Variants in TEX11 observed in about 807,000 individuals in gnomAD.
TEX11 encodes testis-expressed protein 11.
A neutral mutation model predicts 84.4 loss-of-function variants in TEX11; 7 were observed. The observed-to-expected ratio is 0.08, with a 90% CI of 0.05 to 0.16. The LOEUF (loss-of-function observed/expected upper bound fraction) is 0.16. Among genes scored for constraint, TEX11 ranks in the 10% least tolerant of loss-of-function variants. TEX11 has a pLI of 1.00. For missense variants in TEX11, 551 were observed against 660.5 expected (o/e 0.83, Z 1.82); for synonymous variants, 264 against 222.8 (o/e 1.18, Z -1.64).
intron 13 of TEX11, among the ~76,000 whole-genome samples, chrX:70,701,654 C>T (rs902540600): frequency 2.7e-5 from 3 of 112,263 alleles, no homozygotes; most frequent in Admixed American, 1.9e-4. Context: ...GCTATAGCTG[C>T]ATAGATAGTT....
chrX:70,843,149 CAA>C (rs774628213), intron 7 of TEX11, among the ~76,000 whole-genome samples: 1 of 111,486 alleles, frequency 9.0e-6, no homozygotes, highest in South Asian at 3.8e-4. Flanking sequence ...CATACGGAAC[CAA>C]AAAGAGCCCA....
chrX:70,759,378 T>G (rs936100119), intron 9 of TEX11, among the ~76,000 whole-genome samples: 1 of 111,855 alleles, frequency 8.9e-6, no homozygotes, highest in Admixed American at 9.5e-5. Context: ...AATAAAATAC[T>G]GGCAAACCAA....
intron 28 of TEX11, among the ~76,000 whole-genome samples, chrX:70,543,977 G>T (rs2088081814): frequency 8.9e-6 from 1 of 111,752 alleles, no homozygotes; most frequent in African/African-American, 3.3e-5. Context: ...AAGTATTTGT[G>T]TATCTAAACA....
At chrX:70,739,599 A>T (rs753742962) in intron 11 of TEX11, among the ~76,000 whole-genome samples, 29 of 109,495 alleles carry the variant, frequency 2.6e-4, no homozygotes, top group Non-Finnish European at 4.4e-4. Flanking sequence ...TTTAGTAAAG[A>T]TGGGGTTTCA....
intron 16 of TEX11, among the ~76,000 whole-genome samples, chrX:70,665,291 G>A (rs920526081): frequency 1.8e-5 from 2 of 111,404 alleles, no homozygotes; most frequent in Non-Finnish European, 3.8e-5. Context: ...CTAACATTAA[G>A]GTTTTATTAT....
Position 70,679,209 on chromosome X carries a change from G to A in TEX11, c.1157-320C>T, listed in dbSNP as rs376739454. On this transcript the variant is annotated intron_variant, in intron 14 of 29. Transcript: ENST00000374333. ...GCCAGCCTCGGCATCCTGAGGTGCCGGGATTGCAGACGGAGTCTCATTCAC... is the reference window on the plus strand; with the variant it reads ...GCCAGCCTCGGCATCCTGAGGTGCCAGGATTGCAGACGGAGTCTCATTCAC... Among the ~76,000 whole-genome samples the A allele has an allele frequency of 5.3e-3, 599 of 112,598 alleles. 3 individuals carry two copies. The highest frequency in any genetic ancestry group is 0.023 in the Middle Eastern group (5 of 215).
intron 7 of TEX11, among the ~76,000 whole-genome samples, chrX:70,838,385 T>G (rs1182534560): frequency 8.9e-6 from 1 of 112,144 alleles, no homozygotes; most frequent in Non-Finnish European, 1.9e-5. Flanking sequence ...ATGGCACTAC[T>G]GCCCTCCAGC....
rs2089201753 is a variant in TEX11 at position 70,606,950 on chromosome X, G to A, written c.1950+9C>T. 1.7e-6 allele frequency: 2 copies of A among 1,166,469 alleles called. No individual in the cohort carries two copies. The highest frequency in any genetic ancestry group is 2.3e-6 in the Non-Finnish European group (2 of 863,854). ...TCCATACATGAGATACTTATTAAAA[G>A]AAACTTACCTTATAAGAAAGTATAA... On this transcript the variant is annotated intron_variant, in intron 23 of 29. Coordinates refer to ENST00000374333, the MANE Select transcript of TEX11 (RefSeq NM_031276.3).
intron 13 of TEX11, among the ~76,000 whole-genome samples, chrX:70,721,651 A>C (rs2147718645): frequency 8.9e-6 from 1 of 111,890 alleles, no homozygotes; most frequent in Admixed American, 9.6e-5. Context: ...TATGGCCTGC[A>C]GTCCAGCTGC....
intron 4 of TEX11, among the ~76,000 whole-genome samples, chrX:70,863,353 T>C (rs1312728675): frequency 2.7e-5 from 3 of 111,895 alleles, no homozygotes; most frequent in Admixed American, 9.5e-5. Context: ...GGTGCCCCGC[T>C]GGGACAAAGT....
intron 8 of TEX11, among the ~76,000 whole-genome samples, chrX:70,826,661 A>G (rs1354618703): frequency 9.0e-6 from 1 of 111,702 alleles, no homozygotes; most frequent in Non-Finnish European, 1.9e-5. Context: ...CAGTCACAGT[A>G]GAGAAAAAAG....
In TEX11 at chrX:70,610,558, A is replaced by G. The variant is rs765153770; in HGVS notation, c.1752-15T>C. The G allele has an allele frequency of 8.3e-7, 1 of 1,198,004 alleles. No individual in the cohort carries two copies. Among genetic ancestry groups the G allele is most frequent in the Non-Finnish European group, 1.1e-6 (1 of 885,873 alleles). On this transcript the variant is annotated splice_polypyrimidine_tract_variant and intron_variant, in intron 20 of 29. Coordinates refer to ENST00000374333, the MANE Select transcript of TEX11 (RefSeq NM_031276.3). ...TTTCTTTCTTCCTAAAAATAAAGAA[A>G]AGGATATTTTCCAACTGCTCCAAAT...
intron 9 of TEX11, among the ~76,000 whole-genome samples, chrX:70,745,811 C>G (rs1269788811): frequency 8.9e-6 from 1 of 111,913 alleles, no homozygotes; most frequent in Non-Finnish European, 1.9e-5. Flanking sequence ...AGATTGCTAA[C>G]AAAGATATAA....
At chrX:70,737,249 AG>A (rs1277259361) in intron 11 of TEX11, among the ~76,000 whole-genome samples, 1 of 111,745 alleles carries the variant, frequency 8.9e-6, no homozygotes, top group African/African-American at 3.2e-5. Flanking sequence ...TAGACATTGC[AG>A]AAGAAAGATT....
intron 13 of TEX11, among the ~76,000 whole-genome samples, chrX:70,690,356 T>C (rs1396933921): frequency 1.8e-5 from 2 of 111,807 alleles, no homozygotes; most frequent in African/African-American, 6.5e-5. Flanking sequence ...CAACTCTTTG[T>C]ACTATCTTCC....
At chrX:70,696,605 A>T (rs1451022177) in intron 13 of TEX11, among the ~76,000 whole-genome samples, 1 of 109,709 alleles carries the variant, frequency 9.1e-6, no homozygotes, top group Non-Finnish European at 1.9e-5. Context: ...CTGTCTCTAC[A>T]AAAAAAATTA....
At chrX:70,651,374 T>A in intron 17 of TEX11, 76 bp downstream of exon 17, 2 of 669,809 alleles carry the variant, frequency 3.0e-6, no homozygotes, top group Non-Finnish European at 4.5e-6. Context: ...ACAATGTTTT[T>A]TTCCCACTGT....
At chrX:70,756,497 C>T (rs1182974457) in intron 9 of TEX11, among the ~76,000 whole-genome samples, 2 of 111,963 alleles carry the variant, frequency 1.8e-5, no homozygotes, top group Non-Finnish European at 3.8e-5. Context: ...AGTGGACCTC[C>T]AGCAAACTCC....
chrX:70,897,299 A>T (rs1263049435), intron 2 of TEX11, among the ~76,000 whole-genome samples: 1 of 103,581 alleles, frequency 9.7e-6, no homozygotes. Context: ...TGAATGAAAC[A>T]GACAAGAGTT....
Sources: allele counts gnomAD v4.1 joint callset (sites outside exome capture counted in the v4.1 genomes callset), GRCh38; gene constraint gnomAD v4.1.1; transcripts MANE v1.5; gene names NCBI Gene and HGNC (gene_info 2026-07-23, HGNC 2026-07-21).